IMMP2L: variants seen among roughly 807,000 people sequenced by gnomAD.
The protein encoded by IMMP2L is inner mitochondrial membrane peptidase subunit 2.
In IMMP2L, 18 loss-of-function variants were observed where a neutral mutation model predicts 19.3. That is an observed-to-expected ratio of 0.93 (90% CI 0.64 to 1.38). IMMP2L has a LOEUF of 1.38. Among genes scored for constraint, IMMP2L ranks in the 40% most tolerant of loss-of-function variants. The probability of loss-of-function intolerance (pLI) is 0.00; values close to 1 mark genes in which losing one functional copy is unlikely to be tolerated. For synonymous variants in IMMP2L, 76 were observed against 73.0 expected, an observed-to-expected ratio of 1.04 and a Z score of -0.21; for missense variants, 233 against 218.2, an observed-to-expected ratio of 1.07 and a Z score of -0.43.
At chr7:110,968,425 C>A (rs1029334023) in intron 3 of IMMP2L, among the ~76,000 whole-genome samples, 5 of 152,098 alleles carry the variant, frequency 3.3e-5, no homozygotes, top group African/African-American at 9.7e-5. Context: ...GTAATCCCAG[C>A]AGTTTGGAAG....
chr7:111,377,723 T>G (rs1830814550), intron 3 of IMMP2L, among the ~76,000 whole-genome samples: 1 of 151,970 alleles, frequency 6.6e-6, no homozygotes, highest in Non-Finnish European at 1.5e-5. Flanking sequence ...ATCTCTGAGT[T>G]TAGGCTGCTT....
chr7:110,893,875 C>G (rs929066295), intron 4 of IMMP2L, among the ~76,000 whole-genome samples: 1 of 151,726 alleles, frequency 6.6e-6, no homozygotes, highest in African/African-American at 2.4e-5. Context: ...TTTTCTTTTT[C>G]TTTTCCCCCA....
intron 3 of IMMP2L, among the ~76,000 whole-genome samples, chr7:111,446,719 T>C (rs1268071900): frequency 6.6e-6 from 1 of 152,232 alleles, no homozygotes; most frequent in Non-Finnish European, 1.5e-5. Context: ...ATGATTTCGA[T>C]GAGCTAAGAG....
chr7:110,765,624 C>T (rs1052287674), intron 5 of IMMP2L, among the ~76,000 whole-genome samples: 1 of 152,098 alleles, frequency 6.6e-6, no homozygotes, highest in African/African-American at 2.4e-5. Context: ...GTCATAACTA[C>T]TGGAAATCAT....
At chr7:110,689,292 A>G (rs1354902606) in intron 5 of IMMP2L, among the ~76,000 whole-genome samples, 6 of 152,172 alleles carry the variant, frequency 3.9e-5, no homozygotes, top group African/African-American at 1.2e-4. Context: ...TTTAATGGGA[A>G]TTTTTTAAAA....
chr7:110,964,027 T>C (rs1383061424), intron 3 of IMMP2L, among the ~76,000 whole-genome samples: 3 of 150,434 alleles, frequency 2.0e-5, no homozygotes, highest in African/African-American at 7.4e-5. Flanking sequence ...TCTCACGAGA[T>C]TTTATGATTT....
chr7:110,990,310 A>G (rs1043113325), intron 3 of IMMP2L, among the ~76,000 whole-genome samples: 2 of 152,228 alleles, frequency 1.3e-5, no homozygotes, highest in African/African-American at 2.4e-5. Flanking sequence ...GCCTTCACAA[A>G]TAATCCTAGC....
intron 5 of IMMP2L, among the ~76,000 whole-genome samples, chr7:110,802,005 T>A (rs576831677): frequency 1.1e-4 from 17 of 152,212 alleles, no homozygotes; most frequent in South Asian, 1.0e-3. Flanking sequence ...ACCTTAGGTA[T>A]GTCTCCATGA....
intron 3 of IMMP2L, among the ~76,000 whole-genome samples, chr7:111,459,124 A>T (rs1381376566): frequency 6.6e-6 from 1 of 152,162 alleles, no homozygotes; most frequent in African/African-American, 2.4e-5. Context: ...ACAATATTCT[A>T]TGAGTAAATA....
chr7:111,251,052 A>T (rs773397031), intron 3 of IMMP2L, among the ~76,000 whole-genome samples: 4 of 151,946 alleles, frequency 2.6e-5, no homozygotes, highest in Non-Finnish European at 5.9e-5. Context: ...AAACAAATTT[A>T]CAGGAAACAA....
chr7:111,409,218 C>T (rs1006352708), intron 3 of IMMP2L, among the ~76,000 whole-genome samples: 2 of 151,510 alleles, frequency 1.3e-5, no homozygotes, highest in African/African-American at 4.9e-5. Context: ...GAAACCATTT[C>T]ATAATAGAAA....
intron 3 of IMMP2L, among the ~76,000 whole-genome samples, chr7:111,129,293 T>C (rs1229436075): frequency 2.0e-5 from 3 of 152,018 alleles, no homozygotes; most frequent in Admixed American, 6.6e-5. Context: ...GAGTAATTAA[T>C]AGTAACTAAA....
At chr7:110,731,338 G>C (rs1019544824) in intron 5 of IMMP2L, among the ~76,000 whole-genome samples, 1 of 152,114 alleles carries the variant, frequency 6.6e-6, no homozygotes, top group Non-Finnish European at 1.5e-5. Flanking sequence ...TATAGTGCTT[G>C]ATCTATAGAA....
At chr7:111,058,647 A>T (rs1466960288) in intron 3 of IMMP2L, among the ~76,000 whole-genome samples, 1 of 152,212 alleles carries the variant, frequency 6.6e-6, no homozygotes, top group Non-Finnish European at 1.5e-5. Context: ...ACTCATCTTA[A>T]ACACAAGGCT....
At chr7:110,899,901 A>G (rs1436290716) in intron 4 of IMMP2L, among the ~76,000 whole-genome samples, 1 of 152,194 alleles carries the variant, frequency 6.6e-6, no homozygotes, top group Non-Finnish European at 1.5e-5. Context: ...TTTGCTATCA[A>G]TCACCTAAGC....
chr7:110,817,293 T>A (rs916059592), intron 5 of IMMP2L, among the ~76,000 whole-genome samples: 44 of 152,172 alleles, frequency 2.9e-4, no homozygotes, highest in African/African-American at 1.0e-3. Context: ...TGTACCAAAA[T>A]CACGAGCATT....
chr7:111,300,090 T>C (rs1174814974), intron 3 of IMMP2L, among the ~76,000 whole-genome samples: 1 of 152,212 alleles, frequency 6.6e-6, no homozygotes, highest in Non-Finnish European at 1.5e-5. Flanking sequence ...AGGTTCTTAG[T>C]TGAGTAAGTG....
At chr7:111,097,651 C>T (rs1327407335) in intron 3 of IMMP2L, among the ~76,000 whole-genome samples, 1 of 151,776 alleles carries the variant, frequency 6.6e-6, no homozygotes, top group Non-Finnish European at 1.5e-5. Context: ...GTTTTTATGT[C>T]ATTAGACTGT....
At chr7:110,775,877 T>G (rs1799350617) in intron 5 of IMMP2L, among the ~76,000 whole-genome samples, 1 of 151,942 alleles carries the variant, frequency 6.6e-6, no homozygotes, top group African/African-American at 2.4e-5. Context: ...TGCCCACGCA[T>G]TACCCTGGTT....
Sources: allele counts gnomAD v4.1 joint callset (sites outside exome capture counted in the v4.1 genomes callset), GRCh38; gene constraint gnomAD v4.1.1; transcripts MANE v1.5; gene names NCBI Gene and HGNC (gene_info 2026-07-23, HGNC 2026-07-21).